Variants in RFTN1 observed in about 807,000 individuals in gnomAD.
The protein encoded by RFTN1 is raftlin, lipid raft linker 1.
In RFTN1, 26 loss-of-function variants were observed where a neutral mutation model predicts 46.5. The observed-to-expected ratio is 0.56, with a 90% CI of 0.41 to 0.78. RFTN1 has a LOEUF of 0.78. RFTN1 is among the 30% of genes least tolerant of loss of function. The probability of loss-of-function intolerance (pLI) is 0.00; values close to 1 mark genes in which losing one functional copy is unlikely to be tolerated. For synonymous variants in RFTN1, 261 were observed against 284.2 expected, an observed-to-expected ratio of 0.92 and a Z score of 0.82; for missense variants, 693 against 718.7, an observed-to-expected ratio of 0.96 and a Z score of 0.41.
At chr3:16,439,664 C>G (rs185324934) in intron 2 of RFTN1, among the ~76,000 whole-genome samples, 318 of 152,250 alleles carry the variant, frequency 2.1e-3, no homozygotes, top group Non-Finnish European at 3.6e-3. Flanking sequence ...AAGGAACACC[C>G]ACATGGCATG....
At chr3:16,470,002 A>G (rs535418236) in intron 2 of RFTN1, among the ~76,000 whole-genome samples, 2 of 152,312 alleles carry the variant, frequency 1.3e-5, no homozygotes, top group South Asian at 4.1e-4. Context: ...TGGGGTTAGC[A>G]AGGAGCAGAA....
chr3:16,367,540 T>C (rs1285106929), intron 6 of RFTN1, among the ~76,000 whole-genome samples: 1 of 152,224 alleles, frequency 6.6e-6, no homozygotes, highest in Non-Finnish European at 1.5e-5. Flanking sequence ...AGATACGGGC[T>C]GCATACAGGA....
At position 16,474,242 on chromosome 3, in the gene RFTN1, A is replaced by G. The variant is rs2076246311; in HGVS notation, c.145+19483T>C. On this transcript the variant is annotated intron_variant, in intron 2 of 9. Coordinates refer to ENST00000334133, the MANE Select transcript of RFTN1 (RefSeq NM_015150.2). The surrounding 1 kb of genome is among the most constrained non-coding windows in gnomAD (Gnocchi z 5.5). ...ACTGCATTTTACAGATAAGAAACTC[A>G]GACTCACAGGGCCTAAGTAACTCAT... Among the ~76,000 whole-genome samples, 1 of 152,234 alleles carries G rather than the reference A, an allele frequency of 6.6e-6. No individual in the cohort carries two copies. Among genetic ancestry groups the G allele is most frequent in the Admixed American group, 6.5e-5 (1 of 15,286 alleles).
rs2072126612 is a variant in RFTN1 at position 16,351,866 on chromosome 3, GGACTAGAAA to G, written c.1146+6057_1146+6065del. 6.6e-6 allele frequency among the ~76,000 whole-genome samples: 1 copy of G among 151,782 alleles called. No homozygotes were observed. The highest frequency in any genetic ancestry group is 2.4e-5 in the African/African-American group (1 of 41,158). On this transcript the variant is annotated intron_variant, in intron 7 of 9. Coordinates refer to ENST00000334133, the MANE Select transcript of RFTN1 (RefSeq NM_015150.2). This position sits in a 1 kb window ranked among gnomAD's most constrained non-coding sequence, Gnocchi z 5.4. ...TGAATTAGGGGTGTGTTGGGTGAGG[GGACTAGAAA>G]GACTAGAAAAAAAAATCATGAAAAC...
chr3:16,362,795 G>A lies in RFTN1; in HGVS notation c.1031-4748C>T, dbSNP rs1054578938. ...AACATAAATTATATGATGGTGTTTA[G>A]CCTGCCCATGGCGAGCATGGCAGAG... is the stretch of plus-strand genomic sequence containing the variant. On this transcript the variant is annotated intron_variant, in intron 6 of 9. Coordinates refer to ENST00000334133, the MANE Select transcript of RFTN1 (RefSeq NM_015150.2). Among the ~76,000 whole-genome samples, 10 of 152,160 alleles carry A rather than the reference G, an allele frequency of 6.6e-5. 1 individual carries two copies. Among genetic ancestry groups the A allele is most frequent in the Admixed American group, 5.2e-4 (8 of 15,276 alleles).
chr3:16,376,189 T>A lies in RFTN1; in HGVS notation c.826+1529A>T, dbSNP rs1233378700. On this transcript the variant is annotated intron_variant, in intron 5 of 9. Transcript: ENST00000334133. The surrounding 1 kb of genome is among the most constrained non-coding windows in gnomAD (Gnocchi z 4.7). ...CAGGACTACTGAGCCTGTACCCCAA[T>A]AATAGCAGCTCATACTCATGAGTCA... Among the ~76,000 whole-genome samples the A allele has an allele frequency of 6.6e-6, 1 of 152,140 alleles. No individual in the cohort carries two copies. Among genetic ancestry groups the A allele is most frequent in the Non-Finnish European group, 1.5e-5 (1 of 68,014 alleles).
rs690241 is a variant in RFTN1 at position 16,317,077 on chromosome 3, T to C, written c.1488A>G (p.Ser496=). The C allele has an allele frequency of 0.56, 905,772 of 1,613,254 alleles. 256,054 individuals are homozygous for C. Among genetic ancestry groups the C allele is most frequent in the African/African-American group, 0.71 (52,803 of 74,706 alleles). ...SKAGDMGNCV[S]GQQQEGGVSE... ...AGACTCCACCCTCCTGCTGCTGTCC[T>C]GAAACACAGTTTCCCATGTCTCCAG... Residue 496 remains serine, a synonymous_variant, in exon 10 of 10, where the codon TCA becomes TCG. Transcript: ENST00000334133. This position sits in a 1 kb window ranked among gnomAD's most constrained non-coding sequence, Gnocchi z 4.3.
At chr3:16,366,671 A>G (rs115743200) in intron 6 of RFTN1, among the ~76,000 whole-genome samples, 228 of 108,822 alleles carry the variant, frequency 2.1e-3, no homozygotes, top group South Asian at 0.01. Context: ...AACCTTGACA[A>G]TGACATAATG....
intron 2 of RFTN1, among the ~76,000 whole-genome samples, chr3:16,472,932 G>A (rs149702682): frequency 6.6e-6 from 1 of 152,308 alleles, no homozygotes; most frequent in Admixed American, 6.5e-5. Context: ...CTGGCCCTGG[G>A]AGATTTCTTT....
intron 2 of RFTN1, among the ~76,000 whole-genome samples, chr3:16,491,778 CAAAA>C (rs375549645): frequency 3.8e-4 from 55 of 144,826 alleles, no homozygotes; most frequent in Admixed American, 5.5e-4. Context: ...ACAAAACAAA[CAAAA>C]AAAAAAAACA....
At chr3:16,394,470 A>G (rs1232666325) in intron 4 of RFTN1, among the ~76,000 whole-genome samples, 2 of 152,204 alleles carry the variant, frequency 1.3e-5, no homozygotes, top group African/African-American at 4.8e-5. Flanking sequence ...TCTCACAGAC[A>G]CAGTGCTGAG....
Position 16,500,665 on chromosome 3 carries a change from A to G in RFTN1, c.-8-6788T>C, listed in dbSNP as rs2076696166. Among the ~76,000 whole-genome samples the G allele has an allele frequency of 6.6e-6, 1 of 152,220 alleles. No individual in the cohort carries two copies. The highest frequency in any genetic ancestry group is 1.5e-5 in the Non-Finnish European group (1 of 68,034). ...TCCCTTGAATGGTGATCTTCTGGAA[A>G]AAATTTTGGCTGAATCAAACCTTAA... On this transcript the variant is annotated intron_variant, in intron 1 of 9. Transcript: ENST00000334133. This position sits in a 1 kb window ranked among gnomAD's most constrained non-coding sequence, Gnocchi z 5.9.
rs2075792390 is a variant in RFTN1 at position 16,449,680 on chromosome 3, T to C, written c.146-15643A>G. On this transcript the variant is annotated intron_variant, in intron 2 of 9. Transcript: ENST00000334133. The surrounding 1 kb of genome is among the most constrained non-coding windows in gnomAD (Gnocchi z 5.1). ...GCTCTGCATCAATATTCTTCAGCTT[T>C]CACAACTGACTTTGATTTCTCAGTC... 3.3e-5 allele frequency among the ~76,000 whole-genome samples: 5 copies of C among 152,348 alleles called. No homozygotes were observed. In the South Asian group the frequency reaches 1.0e-3, roughly 32 times the overall value.
At chr3:16,357,132 AAAAAC>A (rs2072498903) in intron 7 of RFTN1, among the ~76,000 whole-genome samples, 1 of 82,748 alleles carries the variant, frequency 1.2e-5, no homozygotes, top group Non-Finnish European at 2.5e-5. Context: ...AAAAAAACAA[AAAAAC>A]AAACAAACAA....
intron 2 of RFTN1, among the ~76,000 whole-genome samples, chr3:16,435,127 T>G (rs990056124): frequency 6.6e-6 from 1 of 152,230 alleles, no homozygotes; most frequent in African/African-American, 2.4e-5. Context: ...TTAGAGGAAA[T>G]CAGTATTATC....
Position 16,468,772 on chromosome 3 carries a change from A to G in RFTN1, c.145+24953T>C, listed in dbSNP as rs897076661. On this transcript the variant is annotated intron_variant, in intron 2 of 9. Transcript: ENST00000334133. This position sits in a 1 kb window ranked among gnomAD's most constrained non-coding sequence, Gnocchi z 4.4. ...TATCACCAATCATAAAAGATGACTT[A>G]TAAGAGGCCCTGGTGCCCCAGTACA... Among the ~76,000 whole-genome samples the G allele has an allele frequency of 6.6e-6, 1 of 152,246 alleles. No individual in the cohort carries two copies. Among genetic ancestry groups the G allele is most frequent in the Non-Finnish European group, 1.5e-5 (1 of 68,042 alleles).
chr3:16,487,956 G>A (rs2076476912), intron 2 of RFTN1, among the ~76,000 whole-genome samples: 1 of 152,156 alleles, frequency 6.6e-6, no homozygotes, highest in Non-Finnish European at 1.5e-5. Flanking sequence ...TGAGATTTTT[G>A]GCAGCTTATG....
intron 4 of RFTN1, among the ~76,000 whole-genome samples, chr3:16,398,244 CA>C (rs202032095): frequency 2.4e-3 from 263 of 110,702 alleles, no homozygotes; most frequent in Middle Eastern, 5.6e-3. Context: ...AAGACTGTCT[CA>C]AAAAAAAAAA....
Position 16,507,347 on chromosome 3 carries a change from G to C in RFTN1, c.-9+6095C>G, listed in dbSNP as rs1156556607. Among the ~76,000 whole-genome samples the C allele has an allele frequency of 6.6e-6, 1 of 152,118 alleles. No homozygotes were observed. The highest frequency in any genetic ancestry group is 1.5e-5 in the Non-Finnish European group (1 of 68,002). ...CATAAGACACCAGAAAATCCCAAAA[G>C]ACCTCTCTAAATTAAAGAAGTGTTT... On this transcript the variant is annotated intron_variant, in intron 1 of 9. Coordinates refer to ENST00000334133, the MANE Select transcript of RFTN1 (RefSeq NM_015150.2). This position sits in a 1 kb window ranked among gnomAD's most constrained non-coding sequence, Gnocchi z 7.1.
Sources: allele counts gnomAD v4.1 joint callset (sites outside exome capture counted in the v4.1 genomes callset), GRCh38; gene constraint gnomAD v4.1.1; non-coding constraint Gnocchi (gnomAD v3.1); transcripts MANE v1.5; gene names NCBI Gene and HGNC (gene_info 2026-07-23, HGNC 2026-07-21).